NSMCE4A: variants seen among roughly 807,000 people sequenced by gnomAD.
The protein encoded by NSMCE4A is non-structural maintenance of chromosomes element 4 homolog A.
NSMCE4A carries 40 observed loss-of-function variants against 47.9 expected under a neutral mutation model. The ratio of observed to expected loss-of-function variants is 0.83; its 90% CI spans 0.65 to 1.09. NSMCE4A has a LOEUF of 1.09. Among genes scored for constraint, NSMCE4A ranks in the 50% least tolerant of loss-of-function variants. NSMCE4A has a pLI of 0.00. For missense variants in NSMCE4A, 500 were observed against 507.0 expected (o/e 0.99, Z 0.13); for synonymous variants, 166 against 178.5 (o/e 0.93, Z 0.56).
Position 121,975,096 on chromosome 10 carries a change from T to G in NSMCE4A, c.70A>C (p.Thr24Pro). The G allele has an allele frequency of 6.9e-7, 1 of 1,439,662 alleles. No homozygotes were observed. Among genetic ancestry groups the G allele is most frequent in the Admixed American group, 3.1e-5 (1 of 31,908 alleles). The allele number at this position is 1,439,662 out of a possible 1,614,324, so 89.2% of individuals were successfully genotyped here. Residue 24 changes from threonine (T) to proline (P), a missense_variant, in exon 1 of 11, where the codon ACC (threonine) becomes CCC (proline). Physicochemically the swap from Thr to Pro is conservative, Grantham distance 38 (BLOSUM62 -1). Transcript: ENST00000369023. ...GRGRDPHRDR[T>P]RSRSRSRSPL... ...GACCGCGAGCGGGAGCGGGAGCGGG[T>G]GCGATCCCGATGCGGGTCGCGGCCC...
At chr10:121,961,896 G>T (rs1267865849) in intron 6 of NSMCE4A, 4 of 214,816 alleles carry the variant, frequency 1.9e-5, no homozygotes, top group Non-Finnish European at 2.8e-5. Context: ...TGAGGTCAGG[G>T]GTTCAAGACT....
Position 121,975,147 on chromosome 10 carries a change from C to G in NSMCE4A, c.19G>C (p.Gly7Arg), listed in dbSNP as rs760841098. 7.1e-7 allele frequency: 1 copy of G among 1,403,598 alleles called. No individual in the cohort carries two copies. Among genetic ancestry groups the G allele is most frequent in the South Asian group, 1.6e-5 (1 of 64,162 alleles). The allele number at this position is 1,403,598 out of a possible 1,614,324, so 86.9% of individuals were successfully genotyped here. Reference protein sequence around the residue: MSGDSSGRGPEGRGRGR... With the variant: MSGDSSRRGPEGRGRGR... The stretch of plus-strand genomic sequence containing the variant: ...CGGCCCCGGCCCTCTGGCCCGCGGC[C>G]GCTGCTGTCCCCAGACATAGCGCCA... The change falls in exon 1 of 11, where the codon GGC becomes CGC. Residue 7 changes from glycine to arginine, a missense_variant. Physicochemically the swap from Gly to Arg is moderately radical, Grantham distance 125 (BLOSUM62 -2). Transcript: ENST00000369023.
At chr10:121,958,879 G>A (rs371467481) in intron 10 of NSMCE4A, among the ~76,000 whole-genome samples, 190 of 151,816 alleles carry the variant, frequency 1.3e-3, no homozygotes, top group African/African-American at 4.2e-3. Context: ...GCAGTGGCAC[G>A]ATCTCAGCCA....
intron 2 of NSMCE4A, among the ~76,000 whole-genome samples, chr10:121,973,001 C>T (rs555972370): frequency 1.9e-3 from 294 of 152,226 alleles, no homozygotes; most frequent in African/African-American, 6.6e-3. Context: ...CTGTGGGAGG[C>T]GGAGGCAGGT....
chr10:121,973,257 G>A (rs1002797236), intron 2 of NSMCE4A, among the ~76,000 whole-genome samples: 2 of 145,018 alleles, frequency 1.4e-5, no homozygotes, highest in African/African-American at 5.1e-5. Context: ...AAAAAAAAAG[G>A]ATATATTTGG....
At chr10:121,972,548 G>A (rs1423128651) in intron 2 of NSMCE4A, among the ~76,000 whole-genome samples, 2 of 152,090 alleles carry the variant, frequency 1.3e-5, no homozygotes, top group African/African-American at 4.8e-5. Context: ...GCTCCAATGA[G>A]TGAATAATTT....
rs759071434 is a variant in NSMCE4A, at chr10:121,961,439, A to C, written c.923T>G (p.Val308Gly). The change falls in exon 7 of 11, where the codon GTT becomes GGT. Residue 308 changes from valine to glycine, a missense_variant. Coordinates refer to ENST00000369023, the MANE Select transcript of NSMCE4A (RefSeq NM_017615.3). ...FPRTVENIFH[V>G]SFIIRDGFAR... ...TAATCTTACCCGTATAATGAAGGAA[A>C]CATGAAAGATGTTTTCCACTGTACG... 5 of 1,572,368 alleles carry C rather than the reference A, an allele frequency of 3.2e-6. No individual in the cohort carries two copies. The highest frequency in any genetic ancestry group is 1.4e-5 in the African/African-American group (1 of 71,984).
chr10:121,968,518 G>A (rs1952647694), intron 3 of NSMCE4A, among the ~76,000 whole-genome samples: 1 of 152,106 alleles, frequency 6.6e-6, no homozygotes, highest in South Asian at 2.1e-4. Context: ...AGAGAGCAGT[G>A]GCCCGGCATC....
intron 5 of NSMCE4A, among the ~76,000 whole-genome samples, chr10:121,964,360 G>A (rs1952564422): frequency 6.6e-6 from 1 of 152,010 alleles, no homozygotes; most frequent in Non-Finnish European, 1.5e-5. Context: ...GGCCAGGCTG[G>A]TTTCTAACTC....
Position 121,975,083 on chromosome 10 carries a change from G to C in NSMCE4A, c.83C>G (p.Ser28Cys). 2 of 1,444,520 alleles carry C rather than the reference G, an allele frequency of 1.4e-6. No homozygotes were observed. Among genetic ancestry groups the C allele is most frequent in the Non-Finnish European group, 1.8e-6 (2 of 1,109,644 alleles). 89.5% of individuals were successfully genotyped at this position (1,444,520 alleles called of 1,614,324 possible). A position where few individuals can be genotyped will look rare whatever the true frequency, so the allele number is the denominator to read the frequency against. The part of the protein sequence containing the change: ...DPHRDRTRSR[S>C]RSRSPLSPRS... ...GGGCGACAAAGGGGACCGCGAGCGG[G>C]AGCGGGAGCGGGTGCGATCCCGATG... The change falls in exon 1 of 11, where the codon TCC becomes TGC. Residue 28 changes from serine (S) to cysteine (C), a missense_variant. Ser to Cys is a moderately radical substitution (Grantham distance 112, BLOSUM62 -1). Coordinates refer to ENST00000369023, the MANE Select transcript of NSMCE4A (RefSeq NM_017615.3).
Position 121,975,079 on chromosome 10 carries a change from G to A in NSMCE4A, c.87C>T (p.Arg29=), listed in dbSNP as rs1952792548. ...ACCTGGGCGACAAAGGGGACCGCGA[G>A]CGGGAGCGGGAGCGGGTGCGATCCC... ...PHRDRTRSRS[R]SRSPLSPRSR... is the part of the protein sequence containing the mutation. The change falls in exon 1 of 11, where the codon CGC becomes CGT. Residue 29 remains arginine, a synonymous_variant. Transcript: ENST00000369023. The A allele has an allele frequency of 4.2e-6, 6 of 1,440,246 alleles. No individual in the cohort carries two copies. Among genetic ancestry groups the A allele is most frequent in the Non-Finnish European group, 4.5e-6 (5 of 1,107,212 alleles). The allele number at this position is 1,440,246 out of a possible 1,614,324, so 89.2% of individuals were successfully genotyped here. A position where few individuals can be genotyped will look rare whatever the true frequency, so the allele number is the denominator to read the frequency against.
At chr10:121,961,820 C>A (rs79768364) in intron 6 of NSMCE4A, 6,656 of 264,612 alleles carry the variant, frequency 0.025, 417 homozygotes, top group African/African-American at 0.14. Context: ...ACTTAATCAT[C>A]CAGCTGGGCA....
chr10:121,964,774 T>G (rs11814703), intron 5 of NSMCE4A, among the ~76,000 whole-genome samples: 20,606 of 152,250 alleles, frequency 0.14, 1,591 homozygotes, highest in Non-Finnish European at 0.17. Context: ...CTTAATAGAA[T>G]AGTAACATTA....
chr10:121,968,586 A>T (rs186548479), intron 3 of NSMCE4A, among the ~76,000 whole-genome samples: 1 of 152,302 alleles, frequency 6.6e-6, no homozygotes, highest in Admixed American at 6.5e-5. Context: ...CGGAAGTCAA[A>T]TAATTCTCTC....
intron 5 of NSMCE4A, among the ~76,000 whole-genome samples, chr10:121,963,549 GCTT>G (rs1952541894): frequency 6.6e-6 from 1 of 151,230 alleles, no homozygotes; most frequent in African/African-American, 2.4e-5. Flanking sequence ...TACCACCTCA[GCTT>G]CTTGAGTAGC....
intron 1 of NSMCE4A, 71 bp from the exon 2 acceptor site, chr10:121,974,152 C>A: frequency 7.2e-7 from 1 of 1,383,104 alleles, no homozygotes; most frequent in Non-Finnish European, 1.0e-6. Flanking sequence ...AAGGTTATCA[C>A]CTGCAACAGT....
chr10:121,965,186 AC>A (rs34074742), intron 5 of NSMCE4A, 99 bp downstream of exon 5: 450,153 of 748,894 alleles, frequency 0.6, 139,914 homozygotes, highest in Non-Finnish European at 0.65. Flanking sequence ...CTGGCTCCAG[AC>A]CCGCACACTT....
At chr10:121,973,951 C>T (rs1227535330) in intron 2 of NSMCE4A, 53 bp downstream of exon 2, 2 of 1,248,118 alleles carry the variant, frequency 1.6e-6, no homozygotes, top group Non-Finnish European at 2.3e-6. Flanking sequence ...GCTTATGTAA[C>T]ACTAATTAAA....
At chr10:121,974,784 C>T in intron 1 of NSMCE4A, 90 bp downstream of exon 1, 1 of 1,205,080 alleles carries the variant, frequency 8.3e-7, no homozygotes, top group African/African-American at 1.6e-5. Flanking sequence ...CTCCGCCCGG[C>T]ACCTGCCTCC....
Sources: gnomAD v4.1 joint callset for allele counts (sites outside exome capture counted in the v4.1 genomes callset) on GRCh38, gnomAD v4.1.1 for gene constraint, MANE v1.5 for transcripts, NCBI Gene and HGNC (gene_info 2026-07-23, HGNC 2026-07-21) for gene names.